CDH13: variants seen among roughly 807,000 people sequenced by gnomAD.
CDH13 encodes cadherin 13.
In CDH13, 24 loss-of-function variants were observed where a neutral mutation model predicts 63.8. That is an observed-to-expected ratio of 0.38 (90% confidence interval 0.27 to 0.53). The LOEUF is 0.53. Among genes scored for constraint, CDH13 ranks in the 20% least tolerant of loss-of-function variants. CDH13 has a pLI of 0.85. For synonymous variants in CDH13, 503 were observed against 355.3 expected, an observed-to-expected ratio of 1.42 and a Z score of -4.67; for missense variants, 1,049 against 903.1, an observed-to-expected ratio of 1.16 and a Z score of -2.07.
intron 2 of CDH13, among the ~76,000 whole-genome samples, chr16:82,986,078 T>C (rs1910900500): frequency 1.3e-5 from 2 of 152,194 alleles, no homozygotes; most frequent in Non-Finnish European, 2.9e-5. Flanking sequence ...TTCTATATAG[T>C]GACGTAAGAA....
chr16:83,559,397 C>T (rs1441897987), intron 7 of CDH13, among the ~76,000 whole-genome samples: 2 of 152,074 alleles, frequency 1.3e-5, no homozygotes, highest in African/African-American at 2.4e-5. Flanking sequence ...CATGGAGAAA[C>T]CCTGTCTCTA....
intron 1 of CDH13, among the ~76,000 whole-genome samples, chr16:82,779,378 A>C (rs1406562853): frequency 6.6e-6 from 1 of 152,214 alleles, no homozygotes; most frequent in East Asian, 1.9e-4. Context: ...GGCCGCTTTG[A>C]GAATTTCTGT....
At chr16:83,083,716 T>C (rs997406850) in intron 3 of CDH13, among the ~76,000 whole-genome samples, 1 of 152,214 alleles carries the variant, frequency 6.6e-6, no homozygotes, top group African/African-American at 2.4e-5. Flanking sequence ...TAGCTATAAA[T>C]GGATGAAATT....
At chr16:82,675,568 A>T (rs1913802036) in intron 1 of CDH13, among the ~76,000 whole-genome samples, 1 of 152,226 alleles carries the variant, frequency 6.6e-6, no homozygotes, top group African/African-American at 2.4e-5. Flanking sequence ...TTGCCTCATT[A>T]CAATTCCTTT....
chr16:83,345,401 C>G (rs1027788082), intron 6 of CDH13, among the ~76,000 whole-genome samples: 1 of 152,132 alleles, frequency 6.6e-6, no homozygotes, highest in Non-Finnish European at 1.5e-5. Context: ...TCACAGTGGC[C>G]TTTTAATAAG....
At chr16:82,794,513 G>A (rs1017765849) in intron 1 of CDH13, among the ~76,000 whole-genome samples, 1 of 151,498 alleles carries the variant, frequency 6.6e-6, no homozygotes, top group Non-Finnish European at 1.5e-5. Context: ...AGGAATAGCT[G>A]ATAAATAACA....
intron 5 of CDH13, among the ~76,000 whole-genome samples, chr16:83,235,808 A>G (rs1163606531): frequency 6.6e-6 from 1 of 152,130 alleles, no homozygotes; most frequent in Non-Finnish European, 1.5e-5. Flanking sequence ...TAGACTGAGG[A>G]TATATGCTAG....
At chr16:83,102,930 C>CTTTTTTTTTTT (rs71148812) in intron 3 of CDH13, among the ~76,000 whole-genome samples, 1 of 96,932 alleles carries the variant, frequency 1.0e-5, no homozygotes, top group African/African-American at 4.6e-5. Flanking sequence ...TTTTCTTTTT[C>CTTTTTTTTTTT]TTTTTTTTTT....
chr16:83,265,034 G>A (rs74531952), intron 5 of CDH13, among the ~76,000 whole-genome samples: 11,157 of 152,082 alleles, frequency 0.073, 435 homozygotes, highest in East Asian at 0.12. Context: ...CATTTGTTTA[G>A]TGTTCTATGT....
chr16:83,055,716 GA>G (rs1284356638), intron 3 of CDH13, among the ~76,000 whole-genome samples: 4 of 151,600 alleles, frequency 2.6e-5, no homozygotes, highest in Admixed American at 2.0e-4. Flanking sequence ...CTGTAAAATA[GA>G]AAAAAAATGA....
chr16:82,830,089 CT>C (rs34807454), intron 1 of CDH13, among the ~76,000 whole-genome samples: 37 of 152,186 alleles, frequency 2.4e-4, no homozygotes, highest in Non-Finnish European at 4.3e-4. Context: ...ATTGTTACTA[CT>C]TTTTTTTCCC....
chr16:82,928,641 A>G (rs569536648), intron 2 of CDH13, among the ~76,000 whole-genome samples: 64 of 152,374 alleles, frequency 4.2e-4, no homozygotes, highest in African/African-American at 1.3e-3. Context: ...AGAATTGTCC[A>G]AGGTAAGAGT....
At chr16:82,982,250 T>C (rs893213296) in intron 2 of CDH13, among the ~76,000 whole-genome samples, 1 of 152,142 alleles carries the variant, frequency 6.6e-6, no homozygotes, top group Non-Finnish European at 1.5e-5. Flanking sequence ...ATTTTATAAA[T>C]AATACTTATC....
chr16:83,627,577 G>A (rs1010695741), intron 8 of CDH13, among the ~76,000 whole-genome samples: 1 of 152,228 alleles, frequency 6.6e-6, no homozygotes, highest in Non-Finnish European at 1.5e-5. Context: ...TTTAGACAGG[G>A]TCTCACTCTG....
At chr16:82,693,305 G>C (rs941462600) in intron 1 of CDH13, among the ~76,000 whole-genome samples, 1 of 152,168 alleles carries the variant, frequency 6.6e-6, no homozygotes, top group African/African-American at 2.4e-5. Flanking sequence ...TTCTTAGTTT[G>C]TGGCAAGATA....
chr16:83,024,523 C>T (rs188981216), intron 2 of CDH13, among the ~76,000 whole-genome samples: 8 of 152,196 alleles, frequency 5.3e-5, no homozygotes, highest in East Asian at 3.9e-4. Flanking sequence ...ACCACACTCC[C>T]GAGTTTGGAT....
Position 83,709,339 on chromosome 16 carries a change from T to C in CDH13, c.1538+30878T>C, listed in dbSNP as rs560950567. ...CTTTTGCATAGCAGACACAGGAACCTGAGATATTAACCTTCATCTACTTTC... is the reference window on the plus strand; with the variant it reads ...CTTTTGCATAGCAGACACAGGAACCCGAGATATTAACCTTCATCTACTTTC... On this transcript the variant is annotated intron_variant, in intron 10 of 13. Coordinates refer to ENST00000567109, the MANE Select transcript of CDH13 (RefSeq NM_001257.5). Among the ~76,000 whole-genome samples, 8 of 152,312 alleles carry C rather than the reference T, an allele frequency of 5.3e-5. No individual in the cohort carries two copies. In the East Asian group the frequency reaches 1.4e-3, roughly 26 times the overall value.
intron 5 of CDH13, among the ~76,000 whole-genome samples, chr16:83,260,214 G>T (rs8055450): frequency 6.7e-6 from 1 of 149,990 alleles, no homozygotes; most frequent in East Asian, 2.0e-4. Flanking sequence ...TTCTACTGTC[G>T]CTTGTTACTT....
intron 1 of CDH13, among the ~76,000 whole-genome samples, chr16:82,685,592 C>T (rs1914981197): frequency 6.6e-6 from 1 of 152,114 alleles, no homozygotes; most frequent in African/African-American, 2.4e-5. Context: ...GTGTTTGTGC[C>T]TGTGTGTGTG....
Sources: allele counts gnomAD v4.1 joint callset (sites outside exome capture counted in the v4.1 genomes callset), GRCh38; gene constraint gnomAD v4.1.1; transcripts MANE v1.5; gene names NCBI Gene and HGNC (gene_info 2026-07-23, HGNC 2026-07-21).